TMEM9: variants seen among roughly 807,000 people sequenced by gnomAD.
TMEM9 encodes the protein proton-transporting V-type ATPase complex assembly regulator TMEM9.
In TMEM9, 13 loss-of-function variants were observed where a neutral mutation model predicts 22.8. That is an observed-to-expected ratio of 0.57 (90% confidence interval 0.37 to 0.91). The LOEUF (loss-of-function observed/expected upper bound fraction) is 0.91. TMEM9 is among the 40% of genes least tolerant of loss of function. The probability of loss-of-function intolerance (pLI) is 0.01; values close to 1 mark genes in which losing one functional copy is unlikely to be tolerated. For missense variants in TMEM9, 182 were observed against 238.1 expected (o/e 0.76, Z 1.55); for synonymous variants, 88 against 93.0 (o/e 0.95, Z 0.31).
At chr1:201,146,636 T>A (rs574500251) in intron 3 of TMEM9, 104 bp downstream of exon 3, 1 of 1,232,880 alleles carries the variant, frequency 8.1e-7, no homozygotes, top group African/African-American at 1.5e-5. Context: ...CTCATAGCCA[T>A]TGGGACATTC....
chr1:201,164,752 C>G (rs1474344220), intron 1 of TMEM9, among the ~76,000 whole-genome samples: 1 of 152,106 alleles, frequency 6.6e-6, no homozygotes, highest in East Asian at 1.9e-4. Flanking sequence ...TCATTTCACA[C>G]AGTTGGAAAG....
upstream of TMEM9, among the ~76,000 whole-genome samples, chr1:201,156,578 C>T (rs1665802776): frequency 6.6e-6 from 1 of 152,168 alleles, no homozygotes; most frequent in South Asian, 2.1e-4. Context: ...CATTGCAGTC[C>T]TCCATAGGAC....
intron 4 of TMEM9, among the ~76,000 whole-genome samples, chr1:201,137,341 C>A (rs1275561104): frequency 1.3e-5 from 2 of 152,218 alleles, no homozygotes; most frequent in Non-Finnish European, 2.9e-5. Flanking sequence ...TGGCCTCAGT[C>A]ACTTATGAGG....
intron 1 of TMEM9, among the ~76,000 whole-genome samples, chr1:201,162,172 A>ATTTT (rs780290592): frequency 7.1e-6 from 1 of 140,786 alleles, no homozygotes; most frequent in Non-Finnish European, 1.6e-5. Context: ...TGCCCAATTG[A>ATTTT]TTTTTTTTTT....
chr1:201,163,101 T>C (rs1464686472), intron 1 of TMEM9, among the ~76,000 whole-genome samples: 1 of 149,354 alleles, frequency 6.7e-6, no homozygotes, highest in East Asian at 2.0e-4. Context: ...GCCTGAGCAA[T>C]ATGGCAAAAC....
intron 1 of TMEM9, among the ~76,000 whole-genome samples, chr1:201,165,585 C>T (rs1281369471): frequency 2.6e-5 from 4 of 151,794 alleles, no homozygotes; most frequent in Admixed American, 6.6e-5. Context: ...TACAGGTGTG[C>T]GCCACCACGC....
In TMEM9 at chr1:201,136,651, G is replaced by A. The variant is rs80030977; in HGVS notation, c.400-836C>T. 2.8e-3 allele frequency among the ~76,000 whole-genome samples: 421 copies of A among 152,236 alleles called. 1 individual carries two copies. The highest frequency in any genetic ancestry group is 4.7e-3 in the Non-Finnish European group (322 of 68,026). ...CTTTGCTTTCAGAACTGTTGCTGCC[G>A]TCAAAAGCATCCTCCCCTAATTACC... On this transcript the variant is annotated intron_variant, in intron 4 of 4. Transcript: ENST00000367330.
chr1:201,149,321 G>A (rs1031554532), intron 2 of TMEM9, among the ~76,000 whole-genome samples: 5 of 152,310 alleles, frequency 3.3e-5, no homozygotes, highest in African/African-American at 7.2e-5. Flanking sequence ...CGGTGGGGTG[G>A]TAGTCAGGGA....
chr1:201,146,816 A>G lies in TMEM9; in HGVS notation c.191T>C (p.Val64Ala), dbSNP rs769746755. The G allele has an allele frequency of 3.7e-6, 6 of 1,614,100 alleles. No homozygotes were observed. Among genetic ancestry groups the G allele is most frequent in the Non-Finnish European group, 5.1e-6 (6 of 1,180,034 alleles). Residue 64 changes from valine (V) to alanine (A), a missense_variant, in exon 3 of 5, where the codon GTG becomes GCG. By Grantham distance (64) the Val-to-Ala change is moderately conservative. Coordinates refer to ENST00000367330, the MANE Select transcript of TMEM9 (RefSeq NM_001288565.2). ...NCLHVVEPMP[V>A]PGHDVEAYCL... is the part of the protein sequence containing the mutation. ...GTAGGCCTCCACGTCATGGCCAGGC[A>G]CTGGCATGGGCTCCACCACGTGCAG...
At chr1:201,158,869 C>T (rs1369733864), upstream of TMEM9, among the ~76,000 whole-genome samples, 2 of 152,128 alleles carry the variant, frequency 1.3e-5, no homozygotes, top group Admixed American at 6.5e-5. Context: ...TCTTGGCATC[C>T]GTGCCACAGC....
chr1:201,146,670 G>A lies in TMEM9; in HGVS notation c.267+70C>T, dbSNP rs776431909. 8 of 1,451,656 alleles carry A rather than the reference G, an allele frequency of 5.5e-6. No homozygotes were observed. The South Asian group carries it at 9.1e-5, about 17-fold the overall frequency. 89.9% of individuals were successfully genotyped at this position (1,451,656 alleles called of 1,614,324 possible). On this transcript the variant is annotated intron_variant, in intron 3 of 4. Transcript: ENST00000367330. Reference sequence around the variant, plus strand: ...TCCAGAATAAAGTGAAAAACTGTGGGTGTAGGCCAGTCTGCGATTGGAGAA... The same window carrying A: ...TCCAGAATAAAGTGAAAAACTGTGGATGTAGGCCAGTCTGCGATTGGAGAA...
intron 1 of TMEM9, among the ~76,000 whole-genome samples, chr1:201,162,182 T>C (rs1461553516): frequency 6.6e-6 from 1 of 152,046 alleles, no homozygotes; most frequent in East Asian, 1.9e-4. Context: ...ATTTTTTTTT[T>C]TTTTTTCCTG....
chr1:201,168,634 G>A (rs546396710), intron 1 of TMEM9, among the ~76,000 whole-genome samples: 4 of 152,136 alleles, frequency 2.6e-5, no homozygotes, highest in East Asian at 3.8e-4. Flanking sequence ...CAGGAGACTC[G>A]CTTGAACCTA....
At chr1:201,163,048 G>C (rs1218119963) in intron 1 of TMEM9, among the ~76,000 whole-genome samples, 1 of 152,212 alleles carries the variant, frequency 6.6e-6, no homozygotes, top group Non-Finnish European at 1.5e-5. Flanking sequence ...CACTTTGGGA[G>C]GCTGAGGCAG....
intron 4 of TMEM9, among the ~76,000 whole-genome samples, chr1:201,136,326 A>G (rs183399919): frequency 6.6e-6 from 1 of 152,266 alleles, no homozygotes; most frequent in African/African-American, 2.4e-5. Flanking sequence ...CCTGCCCTCC[A>G]CGCCATTGCC....
At chr1:201,141,745 C>G (rs1430782106) in intron 4 of TMEM9, among the ~76,000 whole-genome samples, 1 of 152,094 alleles carries the variant, frequency 6.6e-6, no homozygotes, top group African/African-American at 2.4e-5. Flanking sequence ...GCCCTTCTTC[C>G]TCCCAAGGCC....
chr1:201,158,618 C>T (rs2365297), upstream of TMEM9, among the ~76,000 whole-genome samples: 11 of 151,878 alleles, frequency 7.2e-5, no homozygotes, highest in African/African-American at 2.4e-4. Flanking sequence ...AGGAGGGAGC[C>T]GGGAGCCCCT....
intron 2 of TMEM9, among the ~76,000 whole-genome samples, chr1:201,147,944 C>A (rs1378730115): frequency 6.6e-6 from 1 of 152,322 alleles, no homozygotes; most frequent in Non-Finnish European, 1.5e-5. Context: ...CCCCCCAACC[C>A]CCCGCCAATG....
intron 4 of TMEM9, among the ~76,000 whole-genome samples, chr1:201,140,686 G>A (rs1379841048): frequency 6.6e-6 from 1 of 152,122 alleles, no homozygotes; most frequent in Non-Finnish European, 1.5e-5. Flanking sequence ...CCCTAACTGG[G>A]TCCCAGACTT....
Sources: allele counts gnomAD v4.1 joint callset (sites outside exome capture counted in the v4.1 genomes callset), GRCh38; gene constraint gnomAD v4.1.1; transcripts MANE v1.5; gene names NCBI Gene and HGNC (gene_info 2026-07-23, HGNC 2026-07-21).